HOXA13: variants seen among roughly 807,000 people sequenced by gnomAD.
The protein encoded by HOXA13 is homeobox A13.
A neutral mutation model predicts 25.7 loss-of-function variants in HOXA13; 5 were observed. That is an observed-to-expected ratio of 0.19 (90% CI 0.10 to 0.41). The LOEUF is 0.41. Ranked by LOEUF, HOXA13 falls within the 10% of genes least tolerant of loss-of-function variation. HOXA13 has a pLI of 1.00. For missense variants in HOXA13, 557 were observed against 533.5 expected (o/e 1.04, Z -0.43); for synonymous variants, 284 against 241.1 (o/e 1.18, Z -1.65).
rs1457522072 is a variant in HOXA13 at position 27,197,139 on chromosome 7, C to T, written c.*1059G>A. On this transcript the variant is annotated 3_prime_UTR_variant, in exon 2 of 2. Transcript: ENST00000649031. ...ATCTTTCTAATGCACTCTGATAACA[C>T]AATAAACATGGAAAAATACTAATCC... 3 of 207,448 alleles carry T rather than the reference C, an allele frequency of 1.4e-5. No homozygotes were observed. Among genetic ancestry groups the T allele is most frequent in the South Asian group, 3.8e-4 (2 of 5,322 alleles). 12.9% of individuals were successfully genotyped at this position (207,448 alleles called of 1,614,324 possible).
chr7:27,194,698 G>A lies in HOXA13; in HGVS notation c.*3500C>T, dbSNP rs913380351. 1.1e-4 allele frequency: 16 copies of A among 152,024 alleles called. No homozygotes were observed. Among genetic ancestry groups the A allele is most frequent in the African/African-American group, 3.6e-4 (15 of 41,354 alleles). The allele number at this position is 152,024 out of a possible 1,614,324, so 9.4% of individuals were successfully genotyped here. A position where few individuals can be genotyped will look rare whatever the true frequency, so the allele number is the denominator to read the frequency against. ...TCAATGACCATTTTAGAACTGGGGG[G>A]AAAAAATCCCCACAACAACCCTGAA... On this transcript the variant is annotated 3_prime_UTR_variant, in exon 2 of 2. Coordinates refer to ENST00000649031, the MANE Select transcript of HOXA13 (RefSeq NM_000522.5).
chr7:27,197,862 C>T lies in HOXA13; in HGVS notation c.*336G>A. ...GATTATTACCATCTAACGCAGTGTC[C>T]TAAAATGTAACGATCACTTAAATAC... On this transcript the variant is annotated 3_prime_UTR_variant, in exon 2 of 2. Transcript: ENST00000649031. 2.4e-6 allele frequency: 1 copy of T among 415,280 alleles called. No individual in the cohort carries two copies. Among genetic ancestry groups the T allele is most frequent in the South Asian group, 2.6e-5 (1 of 38,752 alleles). 25.7% of individuals were successfully genotyped at this position (415,280 alleles called of 1,614,324 possible). A position where few individuals can be genotyped will look rare whatever the true frequency, so the allele number is the denominator to read the frequency against.
rs1470106154 is a variant in HOXA13 at position 27,198,203 on chromosome 7, T to C, written c.1162A>G (p.Ser388Gly). Residue 388 changes from serine to glycine, a missense_variant, in exon 2 of 2, where the codon AGT (serine) becomes GGT (glycine). Physicochemically the swap from Ser to Gly is moderately conservative, Grantham distance 56. Coordinates refer to ENST00000649031, the MANE Select transcript of HOXA13 (RefSeq NM_000522.5). The part of the protein sequence containing the change: ...KKVINKLKTT[S>G] The stretch of plus-strand genomic sequence containing the variant: ...CTTGCTCTATTTTTAATCCATTAAC[T>C]AGTGGTTTTCAGTTTGTTGATGACT... 9.3e-6 allele frequency: 15 copies of C among 1,614,098 alleles called. No homozygotes were observed. Among genetic ancestry groups the C allele is most frequent in the Non-Finnish European group, 1.0e-5 (12 of 1,180,022 alleles).
At position 27,199,436 on chromosome 7, in the gene HOXA13, G is replaced by A. The variant is rs777016740; in HGVS notation, c.642C>T (p.Ala214=). The A allele has an allele frequency of 2.5e-6, 4 of 1,613,592 alleles. No individual in the cohort carries two copies. The South Asian group carries it at 3.3e-5, about 13-fold the overall frequency. Residue 214 remains alanine, a synonymous_variant, in exon 1 of 2, where the codon GCC becomes GCT. Transcript: ENST00000649031. ...AAFADKYMDT[A]GPAAEEFSSR... ...AGCTGAACTCCTCGGCAGCTGGGCC[G>A]GCGGTATCCATGTACTTGTCCGCGA...
chr7:27,198,125 TATC>T lies in HOXA13; in HGVS notation c.*70_*72del. On this transcript the variant is annotated 3_prime_UTR_variant, in exon 2 of 2. Coordinates refer to ENST00000649031, the MANE Select transcript of HOXA13 (RefSeq NM_000522.5). ...TTCTTCAATTATTATTAAGCATTATTATCATTATCTGGGCAAAGCAACGAGTTC... is the reference window on the plus strand; with the variant it reads ...TTCTTCAATTATTATTAAGCATTATTATTATCTGGGCAAAGCAACGAGTTC... The T allele has an allele frequency of 6.7e-7, 1 of 1,498,580 alleles. No homozygotes were observed. The highest frequency in any genetic ancestry group is 2.3e-5 in the East Asian group (1 of 44,342). 92.8% of individuals were successfully genotyped at this position (1,498,580 alleles called of 1,614,324 possible).
chr7:27,199,680 G>A lies in HOXA13; in HGVS notation c.398C>T (p.Ala133Val). Residue 133 changes from alanine (A) to valine (V), a missense_variant, in exon 1 of 2, where the codon GCG becomes GTG. Coordinates refer to ENST00000649031, the MANE Select transcript of HOXA13 (RefSeq NM_000522.5). ...AAAAAAAAAA[A>V]SSSGGPGPAG... ...CGGGCCGGGACCTCCCGAGGACGAC[G>A]CGGCGGCGGCGGCGGCGGCTGCAGC... 2.7e-6 allele frequency: 3 copies of A among 1,104,936 alleles called. No individual in the cohort carries two copies. Among genetic ancestry groups the A allele is most frequent in the Non-Finnish European group, 2.2e-6 (2 of 905,148 alleles). The allele number at this position is 1,104,936 out of a possible 1,614,324, so 68.4% of individuals were successfully genotyped here. A position where few individuals can be genotyped will look rare whatever the true frequency, so the allele number is the denominator to read the frequency against.
In HOXA13 at chr7:27,196,273, C is replaced by G. The variant is rs1452710448; in HGVS notation, c.*1925G>C. On this transcript the variant is annotated 3_prime_UTR_variant, in exon 2 of 2. Transcript: ENST00000649031. ...TAATTTACATATATTCAAATTTGCTCCAGCTGGAGCCAAATAATTGAGTAC... is the reference window on the plus strand; with the variant it reads ...TAATTTACATATATTCAAATTTGCTGCAGCTGGAGCCAAATAATTGAGTAC... 2 of 152,114 alleles carry G rather than the reference C, an allele frequency of 1.3e-5. No homozygotes were observed. The highest frequency in any genetic ancestry group is 2.9e-5 in the Non-Finnish European group (2 of 68,026). The allele number at this position is 152,114 out of a possible 1,614,324, so 9.4% of individuals were successfully genotyped here.
Position 27,199,437 on chromosome 7 carries a change from G to A in HOXA13, c.641C>T (p.Ala214Val), listed in dbSNP as rs150062376. 1.9e-6 allele frequency: 3 copies of A among 1,613,592 alleles called. 1 individual carries two copies. Among genetic ancestry groups the A allele is most frequent in the Non-Finnish European group, 8.5e-7 (1 of 1,179,948 alleles). The change falls in exon 1 of 2, where the codon GCC (alanine) becomes GTC (valine). Residue 214 changes from alanine (A) to valine (V), a missense_variant. Ala to Val is a moderately conservative substitution (Grantham distance 64, BLOSUM62 0). Coordinates refer to ENST00000649031, the MANE Select transcript of HOXA13 (RefSeq NM_000522.5). Reference sequence around the variant, plus strand: ...GCTGAACTCCTCGGCAGCTGGGCCGGCGGTATCCATGTACTTGTCCGCGAA... The same window carrying A: ...GCTGAACTCCTCGGCAGCTGGGCCGACGGTATCCATGTACTTGTCCGCGAA... ...AAFADKYMDT[A>V]GPAAEEFSSR...
chr7:27,199,684 C>A lies in HOXA13; in HGVS notation c.394G>T (p.Ala132Ser), dbSNP rs1258068870. Reference sequence around the variant, plus strand: ...CCGGGACCTCCCGAGGACGACGCGGCGGCGGCGGCGGCGGCTGCAGCGGCA... The same window carrying A: ...CCGGGACCTCCCGAGGACGACGCGGAGGCGGCGGCGGCGGCTGCAGCGGCA... ...AAAAAAAAAA[A>S]ASSSGGPGPA... is the part of the protein sequence containing the mutation. The change falls in exon 1 of 2, where the codon GCC becomes TCC. Residue 132 changes from alanine to serine, a missense_variant. By Grantham distance (99) the Ala-to-Ser change is moderately conservative. Coordinates refer to ENST00000649031, the MANE Select transcript of HOXA13 (RefSeq NM_000522.5). 5.3e-6 allele frequency: 6 copies of A among 1,130,660 alleles called. No homozygotes were observed. The highest frequency in any genetic ancestry group is 1.7e-5 in the African/African-American group (1 of 60,032). The allele number at this position is 1,130,660 out of a possible 1,614,324, so 70.0% of individuals were successfully genotyped here. A position where few individuals can be genotyped will look rare whatever the true frequency, so the allele number is the denominator to read the frequency against.
Position 27,199,208 on chromosome 7 carries a change from G to A in HOXA13, c.870C>T (p.Tyr290=). The stretch of plus-strand genomic sequence containing the variant: ...GAGGCTGCGCCTGCTCTTTGGGGCA[G>A]TACATTTGGCCGTTCCAGCCGTTGG... ...ALPNGWNGQM[Y]CPKEQAQPPH... is the part of the protein sequence containing the mutation. Residue 290 remains tyrosine, a synonymous_variant, in exon 1 of 2, where the codon TAC becomes TAT. Transcript: ENST00000649031. 1 of 1,613,458 alleles carries A rather than the reference G, an allele frequency of 6.2e-7. No homozygotes were observed. Among genetic ancestry groups the A allele is most frequent in the Non-Finnish European group, 8.5e-7 (1 of 1,179,712 alleles).
At position 27,199,781 on chromosome 7, in the gene HOXA13, T is replaced by C. The variant is rs1411069450; in HGVS notation, c.297A>G (p.Pro99=). 4.9e-6 allele frequency: 5 copies of C among 1,016,416 alleles called. No homozygotes were observed. In the African/African-American group the frequency reaches 7.1e-5, roughly 14 times the overall value. The allele number at this position is 1,016,416 out of a possible 1,614,324, so 63.0% of individuals were successfully genotyped here. The change falls in exon 1 of 2, where the codon CCA becomes CCG. Residue 99 remains proline, a synonymous_variant. Transcript: ENST00000649031. ...CGCTGCTGTAGGCGGACGCGGCTCCTGGCGCCAAGGGCGCCGGGTGCGCCA... is the reference window on the plus strand; with the variant it reads ...CGCTGCTGTAGGCGGACGCGGCTCCCGGCGCCAAGGGCGCCGGGTGCGCCA... ...NLMAHPAPLA[P]GAASAYSSAP...
chr7:27,198,545 CTT>C, intron 1 of HOXA13, 103 bp from the exon 2 acceptor site: 1 of 1,366,788 alleles, frequency 7.3e-7, no homozygotes, highest in South Asian at 1.2e-5. Context: ...CCCGGCTGCT[CTT>C]TGCCACCCGC....
chr7:27,199,449 T>C lies in HOXA13; in HGVS notation c.629A>G (p.Tyr210Cys). 1.9e-6 allele frequency: 3 copies of C among 1,613,494 alleles called. No homozygotes were observed. The highest frequency in any genetic ancestry group is 8.5e-7 in the Non-Finnish European group (1 of 1,179,878). Residue 210 changes from tyrosine (Y) to cysteine (C), a missense_variant, in exon 1 of 2, where the codon TAC becomes TGC. By Grantham distance (194) the Tyr-to-Cys change is radical (BLOSUM62 -2). Coordinates refer to ENST00000649031, the MANE Select transcript of HOXA13 (RefSeq NM_000522.5). ...GGCAGCTGGGCCGGCGGTATCCATG[T>C]ACTTGTCCGCGAAGGCGGCGGCGGC... Reference protein sequence around the residue: ...AAAAAAFADKYMDTAGPAAEE... With the variant: ...AAAAAAFADKCMDTAGPAAEE...
chr7:27,199,500 G>A lies in HOXA13; in HGVS notation c.578C>T (p.Ser193Leu), dbSNP rs1322273666. The A allele has an allele frequency of 6.2e-7, 1 of 1,608,162 alleles. No homozygotes were observed. Among genetic ancestry groups the A allele is most frequent in the Non-Finnish European group, 8.5e-7 (1 of 1,177,876 alleles). ...RMGPHPNAIK[S>L]CAQPASAAAA... ...GGCGGCCGAGGCGGGCTGCGCGCAC[G>A]ACTTGATGGCGTTGGGGTGCGGGCC... The change falls in exon 1 of 2, where the codon TCG becomes TTG. Residue 193 changes from serine (S) to leucine (L), a missense_variant. Ser to Leu is a moderately radical substitution (Grantham distance 145). Transcript: ENST00000649031.
Position 27,199,301 on chromosome 7 carries a change from C to A in HOXA13, c.777G>T (p.Gly259=), listed in dbSNP as rs373467073. 1 of 1,613,954 alleles carries A rather than the reference C, an allele frequency of 6.2e-7. No individual in the cohort carries two copies. The highest frequency in any genetic ancestry group is 1.3e-5 in the African/African-American group (1 of 75,044). The change falls in exon 1 of 2, where the codon GGG becomes GGT. Residue 259 remains glycine (G), a synonymous_variant. Transcript: ENST00000649031. ...GTTCGTGGCGCGACTCGCCGGGGCC[C>A]CCGAGGCCCGGCACCACTGGCATAT... ...YLDMPVVPGL[G]GPGESRHEPL...
In HOXA13 at chr7:27,196,067, C is replaced by A. The variant is rs932649608; in HGVS notation, c.*2131G>T. ...GAACAAGGCTTCATCTTGTAAAGTACATTTTGTACCTCAATTCTAGAAATC... is the reference window on the plus strand; with the variant it reads ...GAACAAGGCTTCATCTTGTAAAGTAAATTTTGTACCTCAATTCTAGAAATC... On this transcript the variant is annotated 3_prime_UTR_variant, in exon 2 of 2. Transcript: ENST00000649031. 6.6e-6 allele frequency: 1 copy of A among 152,228 alleles called. No homozygotes were observed. Among genetic ancestry groups the A allele is most frequent in the South Asian group, 2.1e-4 (1 of 4,834 alleles). The allele number at this position is 152,228 out of a possible 1,614,324, so 9.4% of individuals were successfully genotyped here. A position where few individuals can be genotyped will look rare whatever the true frequency, so the allele number is the denominator to read the frequency against.
Position 27,199,047 on chromosome 7 carries a change from G to A in HOXA13, c.922+109C>T, listed in dbSNP as rs1183560009. On this transcript the variant is annotated intron_variant, in intron 1 of 1. Transcript: ENST00000649031. ...GGCTCCCAGGGGTGCAGAGCCGCTA[G>A]GGCAGACCAGGAAGAGAACAGAAAC... 3.1e-5 allele frequency: 33 copies of A among 1,081,324 alleles called. No individual in the cohort carries two copies. In the East Asian group the frequency reaches 8.1e-4, roughly 27 times the overall value. The allele number at this position is 1,081,324 out of a possible 1,614,324, so 67.0% of individuals were successfully genotyped here.
At position 27,196,500 on chromosome 7, in the gene HOXA13, A is replaced by G. The variant is rs1033232560; in HGVS notation, c.*1698T>C. The G allele has an allele frequency of 2.0e-5, 3 of 152,218 alleles. No individual in the cohort carries two copies. Among genetic ancestry groups the G allele is most frequent in the African/African-American group, 4.8e-5 (2 of 41,446 alleles). The allele number at this position is 152,218 out of a possible 1,614,324, so 9.4% of individuals were successfully genotyped here. A position where few individuals can be genotyped will look rare whatever the true frequency, so the allele number is the denominator to read the frequency against. On this transcript the variant is annotated 3_prime_UTR_variant, in exon 2 of 2. Coordinates refer to ENST00000649031, the MANE Select transcript of HOXA13 (RefSeq NM_000522.5). ...GGCCTTTCGTAGTCCTGTCATTTCAACAAATATCAAAACCTGCCCTCTCAG... is the reference window on the plus strand; with the variant it reads ...GGCCTTTCGTAGTCCTGTCATTTCAGCAAATATCAAAACCTGCCCTCTCAG...
Position 27,199,650 on chromosome 7 carries a change from C to T in HOXA13, c.428G>A (p.Gly143Asp), listed in dbSNP as rs1784064788. 2.4e-6 allele frequency: 3 copies of T among 1,275,766 alleles called. No individual in the cohort carries two copies. Among genetic ancestry groups the T allele is most frequent in the South Asian group, 2.6e-5 (1 of 38,710 alleles). 79.0% of individuals were successfully genotyped at this position (1,275,766 alleles called of 1,614,324 possible). ...ASSSGGPGPA[G>D]PAGAEAAKQC... ...CTTGGCGGCCTCTGCGCCCGCCGGG[C>T]CCGCCGGGCCGGGACCTCCCGAGGA... is the stretch of plus-strand genomic sequence containing the variant. The change falls in exon 1 of 2, where the codon GGC (glycine) becomes GAC (aspartate). Residue 143 changes from glycine to aspartate, a missense_variant. Coordinates refer to ENST00000649031, the MANE Select transcript of HOXA13 (RefSeq NM_000522.5).
Sources: gnomAD v4.1 joint callset for allele counts on GRCh38, gnomAD v4.1.1 for gene constraint, MANE v1.5 for transcripts, NCBI Gene and HGNC (gene_info 2026-07-23, HGNC 2026-07-21) for gene names.